Variants in ST14 observed in about 807,000 individuals in gnomAD.
ST14 encodes ST14 transmembrane serine protease matriptase, also known as suppressor of tumorigenicity 14 protein.
Under a neutral mutation model 96.5 loss-of-function variants are expected in ST14, and 40 were observed. That is an observed-to-expected ratio of 0.41 (90% CI 0.32 to 0.54). ST14 has a LOEUF of 0.54. Ranked by LOEUF, ST14 falls within the 20% of genes least tolerant of loss-of-function variation. The pLI, the probability that ST14 is intolerant of heterozygous loss-of-function variation, is 0.17. For missense variants in ST14, 1,066 were observed against 1,188.9 expected (o/e 0.90, Z 1.52); for synonymous variants, 506 against 492.1 (o/e 1.03, Z -0.37).
chr11:130,204,577 C>T (rs893984156), intron 16 of ST14, among the ~76,000 whole-genome samples: 130 of 152,168 alleles, frequency 8.5e-4, no homozygotes, highest in African/African-American at 1.4e-3. Flanking sequence ...TTTGGGAAGC[C>T]GAAGCAGGCA....
chr11:130,199,242 C>T (rs1194963676), intron 15 of ST14, among the ~76,000 whole-genome samples, 173 bp downstream of exon 15: 1 of 152,206 alleles, frequency 6.6e-6, no homozygotes, highest in East Asian at 1.9e-4. Flanking sequence ...CATGAAGGCA[C>T]CACCCCACGG....
At chr11:130,167,005 G>T (rs1197912206) in intron 1 of ST14, among the ~76,000 whole-genome samples, 1 of 152,194 alleles carries the variant, frequency 6.6e-6, no homozygotes, top group Non-Finnish European at 1.5e-5. Context: ...GAGGTCAGGA[G>T]TTCAAGACTA....
intron 1 of ST14, among the ~76,000 whole-genome samples, chr11:130,171,621 G>A (rs753516757): frequency 4.6e-5 from 7 of 152,174 alleles, no homozygotes; most frequent in Non-Finnish European, 1.0e-4. Context: ...GTCCCCGCAC[G>A]TTTGTGTCTT....
rs781139479 is a variant in ST14, at chr11:130,197,901, A to G, written c.1415A>G (p.Asp472Gly). 3 of 1,597,800 alleles carry G rather than the reference A, an allele frequency of 1.9e-6. No homozygotes were observed. Among genetic ancestry groups the G allele is most frequent in the Admixed American group, 1.7e-5 (1 of 58,920 alleles). Residue 472 changes from aspartate (D) to glycine (G), a missense_variant, in exon 12 of 19, where the codon GAT becomes GGT. Physicochemically the swap from Asp to Gly is moderately conservative, Grantham distance 94. Coordinates refer to ENST00000278742, the MANE Select transcript of ST14 (RefSeq NM_021978.4). ...GRCIRKELRC[D>G]GWADCTDHSD... ...TGTATCCGGAAGGAGCTGCGCTGTG[A>G]TGGCTGGGCCGACTGCACCGACCAC... is the stretch of plus-strand genomic sequence containing the variant.
In ST14 at chr11:130,200,039, G is replaced by A; in HGVS notation, c.1896G>A (p.Leu632=). ...GCGAGTGGCCCTGGCAGGTAAGCCT[G>A]CATGCTCTGGGCCAGGGCCACATCT... is the stretch of plus-strand genomic sequence containing the variant. ...DEGEWPWQVS[L]HALGQGHICG... The change falls in exon 16 of 19, where the codon CTG becomes CTA. Residue 632 remains leucine, a synonymous_variant. Transcript: ENST00000278742. 6.2e-7 allele frequency: 1 copy of A among 1,614,190 alleles called. No individual in the cohort carries two copies. The highest frequency in any genetic ancestry group is 8.5e-7 in the Non-Finnish European group (1 of 1,180,036).
At chr11:130,201,161 G>T (rs1478329461) in intron 16 of ST14, among the ~76,000 whole-genome samples, 2 of 152,230 alleles carry the variant, frequency 1.3e-5, no homozygotes, top group Non-Finnish European at 2.9e-5. Context: ...AGGGTCACAT[G>T]GGCATCCCAG....
intron 1 of ST14, among the ~76,000 whole-genome samples, chr11:130,171,783 C>T (rs1362713903): frequency 6.6e-6 from 1 of 152,204 alleles, no homozygotes; most frequent in Non-Finnish European, 1.5e-5. Flanking sequence ...ACAAGTCAGT[C>T]AACATTGCAA....
At position 130,189,149 on chromosome 11, in the gene ST14, T is replaced by C. The variant is rs574997806; in HGVS notation, c.440+210T>C. Among the ~76,000 whole-genome samples the C allele has an allele frequency of 9.2e-5, 14 of 152,334 alleles. No individual in the cohort carries two copies. The East Asian group carries it at 1.7e-3, about 19-fold the overall frequency. ...AAGGTGCCTGTAGCTGTTGCTGTGATGAGCTGCCCAAAGGCCTGTGACGTG... is the reference window on the plus strand; with the variant it reads ...AAGGTGCCTGTAGCTGTTGCTGTGACGAGCTGCCCAAAGGCCTGTGACGTG... On this transcript the variant is annotated intron_variant, in intron 4 of 18. Coordinates refer to ENST00000278742, the MANE Select transcript of ST14 (RefSeq NM_021978.4).
At chr11:130,168,981 A>G (rs1267637918) in intron 1 of ST14, among the ~76,000 whole-genome samples, 1 of 152,114 alleles carries the variant, frequency 6.6e-6, no homozygotes, top group African/African-American at 2.4e-5. Flanking sequence ...ACTGAAAAGG[A>G]ACAAGCTGAT....
chr11:130,161,017 G>A (rs187712625), intron 1 of ST14, among the ~76,000 whole-genome samples: 1 of 152,270 alleles, frequency 6.6e-6, no homozygotes, highest in Admixed American at 6.5e-5. Flanking sequence ...CCCTCCTTCC[G>A]GGTGCCCCTG....
At chr11:130,190,758 T>C in intron 7 of ST14, 64 bp downstream of exon 7, 2 of 1,497,440 alleles carry the variant, frequency 1.3e-6, no homozygotes, top group East Asian at 2.5e-5. Context: ...GGGGGCCAGC[T>C]TCTTCAACGA....
Position 130,191,868 on chromosome 11 carries a change from C to G in ST14, c.875+1174C>G, listed in dbSNP as rs146303913. Among the ~76,000 whole-genome samples the G allele has an allele frequency of 3.9e-5, 6 of 152,190 alleles. No individual in the cohort carries two copies. In the East Asian group the frequency reaches 1.2e-3, roughly 29 times the overall value. ...GGTGGTTAGGGCAAAGAATAGTGGC[C>G]CTGAGTGTGAGATCCTTTCGGAGGA... On this transcript the variant is annotated intron_variant, in intron 7 of 18. Coordinates refer to ENST00000278742, the MANE Select transcript of ST14 (RefSeq NM_021978.4).
At chr11:130,206,433 T>C (rs1953489265) in intron 16 of ST14, among the ~76,000 whole-genome samples, 1 of 152,158 alleles carries the variant, frequency 6.6e-6, no homozygotes, top group African/African-American at 2.4e-5. Context: ...TTGCCCGGCG[T>C]CTCAGCGTCC....
In ST14 at chr11:130,169,759, C is replaced by A. The variant is rs559909227; in HGVS notation, c.81+9699C>A. ...CAACTGTATGGGAATCTACAAGTAT[C>A]TCCATAAAAATGTCAGTAATGAAAG... On this transcript the variant is annotated intron_variant, in intron 1 of 18. Transcript: ENST00000278742. 2.0e-5 allele frequency among the ~76,000 whole-genome samples: 3 copies of A among 152,260 alleles called. No individual in the cohort carries two copies. In the South Asian group the frequency reaches 6.2e-4, roughly 32 times the overall value.
chr11:130,204,844 C>T (rs994870964), intron 16 of ST14, among the ~76,000 whole-genome samples: 33 of 151,710 alleles, frequency 2.2e-4, no homozygotes, highest in African/African-American at 7.3e-4. Flanking sequence ...AGGTGATGGA[C>T]GCTGGGGCAG....
chr11:130,193,766 G>T (rs969280448), intron 7 of ST14, among the ~76,000 whole-genome samples: 1 of 152,190 alleles, frequency 6.6e-6, no homozygotes. Flanking sequence ...CACTGCGCCC[G>T]GCTGGGTGTT....
chr11:130,183,725 T>C (rs934329720), intron 1 of ST14, among the ~76,000 whole-genome samples: 2 of 152,216 alleles, frequency 1.3e-5, no homozygotes, highest in Admixed American at 6.5e-5. Flanking sequence ...TTTTGTCAGA[T>C]TTACCTCTAA....
rs1953539545 is a variant in ST14 at position 130,210,289 on chromosome 11, T to C, written c.*466T>C. The C allele has an allele frequency of 6.1e-6, 1 of 164,378 alleles. No individual in the cohort carries two copies. The highest frequency in any genetic ancestry group is 2.4e-5 in the African/African-American group (1 of 41,752). The allele number at this position is 164,378 out of a possible 1,614,324, so 10.2% of individuals were successfully genotyped here. A position where few individuals can be genotyped will look rare whatever the true frequency, so the allele number is the denominator to read the frequency against. ...AAACAGACGGGTCTGAGACTGAAAT[T>C]GTTTTACCAGCTCCCAGGGTGGACT... is the stretch of plus-strand genomic sequence containing the variant. On this transcript the variant is annotated 3_prime_UTR_variant, in exon 19 of 19. Coordinates refer to ENST00000278742, the MANE Select transcript of ST14 (RefSeq NM_021978.4).
intron 16 of ST14, among the ~76,000 whole-genome samples, chr11:130,205,640 G>A (rs920206191): frequency 2.6e-5 from 4 of 151,452 alleles, no homozygotes; most frequent in African/African-American, 9.7e-5. Flanking sequence ...TTTGTGCTGC[G>A]AGCTGACGTA....
Sources: gnomAD v4.1 joint callset for allele counts (sites outside exome capture counted in the v4.1 genomes callset) on GRCh38, gnomAD v4.1.1 for gene constraint, MANE v1.5 for transcripts, NCBI Gene and HGNC (gene_info 2026-07-23, HGNC 2026-07-21) for gene names.